The following MYLK variants were observed in gnomAD, a reference collection of about 807,000 sequenced individuals.
MYLK encodes myosin light chain kinase, smooth muscle.
In MYLK, 106 loss-of-function variants were observed where a neutral mutation model predicts 203.4. The ratio of observed to expected loss-of-function variants is 0.52; its 90% confidence interval spans 0.45 to 0.61. MYLK has a LOEUF of 0.61. MYLK is among the 20% of genes least tolerant of loss of function. The pLI, the probability that MYLK is intolerant of heterozygous loss-of-function variation, is 0.00. For synonymous variants in MYLK, 867 were observed against 959.5 expected (o/e 0.90, Z 1.78); for missense variants, 2,072 against 2,442.3 (o/e 0.85, Z 3.20).
chr3:123,846,996 G>A (rs1020380464), intron 2 of MYLK, among the ~76,000 whole-genome samples: 2 of 152,000 alleles, frequency 1.3e-5, no homozygotes, highest in African/African-American at 2.4e-5. Context: ...ACAGTATACA[G>A]TTGGTTCTCT....
intron 20 of MYLK, among the ~76,000 whole-genome samples, chr3:123,680,688 A>G (rs1001239427): frequency 6.6e-6 from 1 of 152,214 alleles, no homozygotes; most frequent in African/African-American, 2.4e-5. Flanking sequence ...TGTTTGAGGA[A>G]CCCAAGTTCA....
chr3:123,655,086 C>T (rs574531217), intron 24 of MYLK, among the ~76,000 whole-genome samples: 4 of 152,270 alleles, frequency 2.6e-5, no homozygotes, highest in African/African-American at 9.6e-5. Flanking sequence ...ATATTCCATG[C>T]TTCTGGCCTC....
intron 3 of MYLK, among the ~76,000 whole-genome samples, chr3:123,826,664 GCTAGAC>G (rs1328926037): frequency 6.6e-6 from 1 of 152,158 alleles, no homozygotes; most frequent in East Asian, 1.9e-4. Flanking sequence ...AACCCAGCAA[GCTAGAC>G]CCAAATTTGG....
In MYLK at chr3:123,714,135, G is replaced by T. The variant is rs374418757; in HGVS notation, c.1805-4242C>A. Among the ~76,000 whole-genome samples the T allele has an allele frequency of 6.7e-4, 102 of 152,284 alleles. No individual in the cohort carries two copies. The South Asian group carries it at 7.5e-3, about 11-fold the overall frequency. ...CCAAAAGATGTTCATAGCTAATTCAGTGTTACCCTCAACATCTCGGAAGTA... is the reference window on the plus strand; with the variant it reads ...CCAAAAGATGTTCATAGCTAATTCATTGTTACCCTCAACATCTCGGAAGTA... On this transcript the variant is annotated intron_variant, in intron 13 of 33. Transcript: ENST00000360304.
At position 123,704,397 on chromosome 3, in the gene MYLK, AG is replaced by A. The variant is rs1449927710; in HGVS notation, c.2391-2889del. On this transcript the variant is annotated intron_variant, in intron 16 of 33. Transcript: ENST00000360304. ...TCTGCACATAACCAGTTACAAAATC[AG>A]GGCCGGGGCTGAAGATGAGGCCCCA... 5.9e-5 allele frequency among the ~76,000 whole-genome samples: 9 copies of A among 152,300 alleles called. No homozygotes were observed. In the East Asian group the frequency reaches 1.2e-3, roughly 20 times the overall value.
chr3:123,658,826 T>G (rs2059472165), intron 23 of MYLK, among the ~76,000 whole-genome samples: 1 of 152,024 alleles, frequency 6.6e-6, no homozygotes, highest in Non-Finnish European at 1.5e-5. Flanking sequence ...TGTATATGAG[T>G]ATATATACTC....
At chr3:123,854,917 CTTCT>C (rs1311004958) in intron 2 of MYLK, among the ~76,000 whole-genome samples, 11 of 152,284 alleles carry the variant, frequency 7.2e-5, no homozygotes, top group African/African-American at 2.6e-4. Context: ...ACTCCTCTGT[CTTCT>C]TACCTCTCTT....
chr3:123,633,850 T>C (rs2058535045), intron 29 of MYLK, among the ~76,000 whole-genome samples: 1 of 152,034 alleles, frequency 6.6e-6, no homozygotes. Context: ...TGTGCGTGTA[T>C]GTGTGTGGGT....
chr3:123,883,450 A>T (rs374164704), intron 1 of MYLK, among the ~76,000 whole-genome samples: 56 of 152,214 alleles, frequency 3.7e-4, no homozygotes, highest in Non-Finnish European at 6.8e-4. Flanking sequence ...ATCTAAAAAA[A>T]ATATATATCC....
intron 3 of MYLK, among the ~76,000 whole-genome samples, chr3:123,799,356 A>C (rs1349514147): frequency 1.3e-5 from 2 of 152,244 alleles, no homozygotes; most frequent in African/African-American, 4.8e-5. Flanking sequence ...TTTCAACTAC[A>C]GCGAAAAGAG....
At chr3:123,820,792 C>T (rs905593029) in intron 3 of MYLK, among the ~76,000 whole-genome samples, 4 of 152,056 alleles carry the variant, frequency 2.6e-5, no homozygotes, top group African/African-American at 7.2e-5. Context: ...AGTGCAATCT[C>T]GGCTCACTGC....
At chr3:123,645,101 A>C (rs527861823) in intron 27 of MYLK, among the ~76,000 whole-genome samples, 1 of 151,922 alleles carries the variant, frequency 6.6e-6, no homozygotes, top group Non-Finnish European at 1.5e-5. Context: ...AAAAAAGTCA[A>C]TGTATCATAC....
rs1015685907 is a variant in MYLK at position 123,740,072 on chromosome 3, C to T, written c.374-71G>A. 1.4e-5 allele frequency: 21 copies of T among 1,483,542 alleles called. No homozygotes were observed. The South Asian group carries it at 2.4e-4, about 17-fold the overall frequency. The allele number at this position is 1,483,542 out of a possible 1,614,324, so 91.9% of individuals were successfully genotyped here. On this transcript the variant is annotated intron_variant, in intron 5 of 33. Transcript: ENST00000360304. ...GAGCAATGAAAGTAAAAAGATTCAA[C>T]AGCAGGGGTGGGTGGGATAGTGATG...
At chr3:123,812,145 C>T (rs778743637) in intron 3 of MYLK, among the ~76,000 whole-genome samples, 3 of 152,058 alleles carry the variant, frequency 2.0e-5, no homozygotes, top group Non-Finnish European at 2.9e-5. Context: ...GAACTCTTGC[C>T]CCCCAGTTCT....
intron 29 of MYLK, among the ~76,000 whole-genome samples, chr3:123,632,521 G>A (rs2058476452): frequency 6.6e-6 from 1 of 152,058 alleles, no homozygotes; most frequent in East Asian, 1.9e-4. Flanking sequence ...GAGCCTCCTC[G>A]CCTCTGGCCT....
In MYLK at chr3:123,638,696, G is replaced by C. The variant is rs2058731818; in HGVS notation, c.4838-502C>G. The C allele has an allele frequency of 5.2e-6, 5 of 953,464 alleles. No homozygotes were observed. The South Asian group carries it at 1.5e-4, about 28-fold the overall frequency. The allele number at this position is 953,464 out of a possible 1,614,324, so 59.1% of individuals were successfully genotyped here. On this transcript the variant is annotated intron_variant, in intron 28 of 33. Transcript: ENST00000360304. ...TTAACAAGTGGTGGTCGGGACTCAA[G>C]CCCAGGTAGTCCAACTCCTGAGCCA...
intron 2 of MYLK, among the ~76,000 whole-genome samples, chr3:123,841,544 C>A (rs1314850403): frequency 6.6e-6 from 1 of 152,150 alleles, no homozygotes; most frequent in Non-Finnish European, 1.5e-5. Context: ...TTCAACCACT[C>A]ATTTTCTGTC....
intron 3 of MYLK, among the ~76,000 whole-genome samples, chr3:123,823,585 T>C (rs1381704459): frequency 3.3e-5 from 5 of 152,122 alleles, no homozygotes; most frequent in African/African-American, 1.2e-4. Context: ...CAAGGCACCA[T>C]TGTCATGCTT....
At chr3:123,730,828 A>G (rs1351228621) in intron 11 of MYLK, among the ~76,000 whole-genome samples, 1 of 152,202 alleles carries the variant, frequency 6.6e-6, no homozygotes, top group African/African-American at 2.4e-5. Flanking sequence ...CTGAAATCAG[A>G]TGATGGTGAT....
Sources: allele counts gnomAD v4.1 joint callset (sites outside exome capture counted in the v4.1 genomes callset), GRCh38; gene constraint gnomAD v4.1.1; transcripts MANE v1.5; gene names NCBI Gene and HGNC (gene_info 2026-07-23, HGNC 2026-07-21).